The following SPTA1 variants were observed in gnomAD, a reference collection of about 807,000 sequenced individuals.
SPTA1 encodes spectrin alpha, erythrocytic 1.
A neutral mutation model predicts 324.7 loss-of-function variants in SPTA1; 177 were observed. The observed-to-expected ratio is 0.55, with a 90% CI of 0.48 to 0.62. SPTA1 has a LOEUF of 0.62. SPTA1 is among the 20% of genes least tolerant of loss of function. The pLI, the probability that SPTA1 is intolerant of heterozygous loss-of-function variation, is 0.00. For synonymous variants in SPTA1, 1,195 were observed against 1,041.3 expected (o/e 1.15, Z -2.84); for missense variants, 3,162 against 2,883.6 (o/e 1.10, Z -2.21).
intron 27 of SPTA1, among the ~76,000 whole-genome samples, chr1:158,646,184 T>A (rs1651985953): frequency 6.6e-6 from 1 of 152,162 alleles, no homozygotes; most frequent in South Asian, 2.1e-4. Context: ...CTTTTAGTAG[T>A]CAGGAAGTTA....
At chr1:158,656,703 C>T in intron 19 of SPTA1, 47 bp from the exon 20 acceptor site, 1 of 1,525,792 alleles carries the variant, frequency 6.6e-7, no homozygotes, top group South Asian at 1.1e-5. Context: ...AGGAGGAACA[C>T]TATTATTTCA....
chr1:158,652,330 G>C, intron 23 of SPTA1, 137 bp downstream of exon 23: 1 of 953,266 alleles, frequency 1.0e-6, no homozygotes, highest in East Asian at 2.6e-5. Context: ...CCTAGAGGGA[G>C]ATCTCAGCCA....
intron 11 of SPTA1, 101 bp downstream of exon 11, chr1:158,671,958 T>C: frequency 2.0e-6 from 3 of 1,467,620 alleles, no homozygotes; most frequent in East Asian, 2.3e-5. Flanking sequence ...AGACAAGCTC[T>C]GACTCACAGG....
intron 47 of SPTA1, among the ~76,000 whole-genome samples, chr1:158,615,770 A>G (rs1295932587): frequency 6.6e-6 from 1 of 152,150 alleles, no homozygotes; most frequent in Non-Finnish European, 1.5e-5. Flanking sequence ...AGAAAAATAA[A>G]ATTTCCAGAG....
At chr1:158,674,032 A>T (rs1654220499) in intron 10 of SPTA1, among the ~76,000 whole-genome samples, 1 of 152,196 alleles carries the variant, frequency 6.6e-6, no homozygotes, top group South Asian at 2.1e-4. Flanking sequence ...TATTATAAGT[A>T]ATCTGAAGAT....
At chr1:158,639,816 T>C (rs1000945956) in intron 34 of SPTA1, 54 bp downstream of exon 34, 1 of 1,613,342 alleles carries the variant, frequency 6.2e-7, no homozygotes, top group Admixed American at 1.7e-5. Flanking sequence ...AATTCATTTG[T>C]CTGACAAGTA....
At chr1:158,635,480 T>C (rs1650999205) in intron 38 of SPTA1, among the ~76,000 whole-genome samples, 1 of 152,212 alleles carries the variant, frequency 6.6e-6, no homozygotes, top group Non-Finnish European at 1.5e-5. Context: ...GGTAGTTCTT[T>C]ATATCAATGT....
intron 3 of SPTA1, 110 bp downstream of exon 3, chr1:158,683,261 G>A (rs1428756775): frequency 2.0e-6 from 3 of 1,488,920 alleles, no homozygotes; most frequent in African/African-American, 2.8e-5. Context: ...ATAAGAGGCA[G>A]GAGTCCTGGG....
intron 20 of SPTA1, among the ~76,000 whole-genome samples, chr1:158,655,323 A>T (rs955199199): frequency 7.9e-5 from 11 of 139,866 alleles, no homozygotes; most frequent in Non-Finnish European, 1.2e-4. Flanking sequence ...GTCTCAGTTT[A>T]GTAAGCAGCC....
intron 27 of SPTA1, among the ~76,000 whole-genome samples, chr1:158,646,021 G>A (rs1227947001): frequency 2.0e-5 from 3 of 152,090 alleles, no homozygotes; most frequent in Non-Finnish European, 4.4e-5. Context: ...GGTTTCTAGG[G>A]TTTGAAGATA....
intron 5 of SPTA1, among the ~76,000 whole-genome samples, chr1:158,680,195 C>A (rs1654697397): frequency 6.6e-6 from 1 of 151,954 alleles, no homozygotes; most frequent in Non-Finnish European, 1.5e-5. Context: ...ATAATGATAG[C>A]TCAACATTAT....
At chr1:158,677,921 C>A in intron 6 of SPTA1, 87 bp from the exon 7 acceptor site, 1 of 1,527,450 alleles carries the variant, frequency 6.5e-7, no homozygotes, top group South Asian at 1.1e-5. Context: ...CAAGGACCAT[C>A]CTAGTTGACC....
intron 39 of SPTA1, among the ~76,000 whole-genome samples, chr1:158,629,157 GAT>G (rs1419287563): frequency 7.1e-6 from 1 of 140,050 alleles, no homozygotes. Context: ...TAGATAGATA[GAT>G]ATGTCTATCA....
intron 50 of SPTA1, 102 bp from the exon 51 acceptor site, chr1:158,613,063 C>A (rs1403661647): frequency 2.4e-6 from 3 of 1,264,316 alleles, no homozygotes; most frequent in Non-Finnish European, 3.4e-6. Context: ...AAGCCAGATT[C>A]TCCAAGTGCC....
Position 158,672,041 on chromosome 1 carries a change from A to G in SPTA1, c.1488+18T>C, listed in dbSNP as rs531762998. The G allele has an allele frequency of 1.2e-6, 2 of 1,613,662 alleles. No individual in the cohort carries two copies. The highest frequency in any genetic ancestry group is 2.2e-5 in the East Asian group (1 of 44,848). On this transcript the variant is annotated intron_variant, in intron 11 of 51. Coordinates refer to ENST00000643759, the MANE Select transcript of SPTA1 (RefSeq NM_003126.4). ...GAGAGAAATTACTTCTAGAGATGGTATGGACCCCTCCCGTTACCTCTTGTC... is the reference window on the plus strand; with the variant it reads ...GAGAGAAATTACTTCTAGAGATGGTGTGGACCCCTCCCGTTACCTCTTGTC...
intron 25 of SPTA1, among the ~76,000 whole-genome samples, chr1:158,648,891 A>T (rs529104267): frequency 6.6e-6 from 1 of 152,238 alleles, no homozygotes; most frequent in Admixed American, 6.5e-5. Context: ...AAAACTGAGG[A>T]CTAAAGAGGG....
In SPTA1 at chr1:158,626,870, G is replaced by T. The variant is rs751973319; in HGVS notation, c.5802C>A (p.Asn1934Lys). 2.5e-6 allele frequency: 4 copies of T among 1,613,668 alleles called. No individual in the cohort carries two copies. Among genetic ancestry groups the T allele is most frequent in the Non-Finnish European group, 3.4e-6 (4 of 1,179,782 alleles). ...LEDDYAFQEF[N>K]WKADVVEAWI... ...AAGCCTCTACCACATCAGCCTTCCA[G>T]TTGAATTCCTGAAAGGCATAATCGT... is the stretch of plus-strand genomic sequence containing the variant. The change falls in exon 41 of 52, where the codon AAC becomes AAA. Residue 1934 changes from asparagine (N) to lysine (K), a missense_variant. By Grantham distance (94) the Asn-to-Lys change is moderately conservative. Coordinates refer to ENST00000643759, the MANE Select transcript of SPTA1 (RefSeq NM_003126.4).
rs1324322014 is a variant in SPTA1, at chr1:158,683,420, GT to G, written c.340del (p.Thr114GlnfsTer20). On this transcript the variant is annotated frameshift_variant, in exon 3 of 52. Transcript: ENST00000643759. LOFTEE classifies it high-confidence loss of function. ...ACCCATGGTAAATCGTTCTTCCCTT[GT>G]TTTTTCCAGTTCAGACATGAGTCTT... Reference protein sequence around the residue: ...KSRLMSELEKTREERFTMGHS... With the variant: ...KSRLMSELEKXREERFTMGHS... 1.2e-6 allele frequency: 2 copies of G among 1,613,374 alleles called. No homozygotes were observed. Among genetic ancestry groups the G allele is most frequent in the Admixed American group, 1.7e-5 (1 of 59,930 alleles).
intron 22 of SPTA1, 132 bp downstream of exon 22, chr1:158,653,142 C>G (rs1241531691): frequency 7.1e-6 from 10 of 1,416,384 alleles, no homozygotes; most frequent in African/African-American, 1.4e-5. Context: ...TCTAGGTTTA[C>G]TTTCGATTCT....
Sources: gnomAD v4.1 joint callset for allele counts (sites outside exome capture counted in the v4.1 genomes callset) on GRCh38, gnomAD v4.1.1 for gene constraint, MANE v1.5 for transcripts, NCBI Gene and HGNC (gene_info 2026-07-23, HGNC 2026-07-21) for gene names.